Variants in C15orf40 observed in about 807,000 individuals in gnomAD.
C15orf40 encodes the protein chromosome 15 open reading frame 40, also known as UPF0235 protein C15orf40.
A neutral mutation model predicts 13.9 loss-of-function variants in C15orf40; 9 were observed. The ratio of observed to expected loss-of-function variants is 0.65; its 90% confidence interval spans 0.39 to 1.13. The LOEUF (loss-of-function observed/expected upper bound fraction) is 1.13, where lower values mean the gene tolerates loss of function less well. C15orf40 is among the 50% of genes most tolerant of loss of function. The pLI, the probability that C15orf40 is intolerant of heterozygous loss-of-function variation, is 0.01. For missense variants in C15orf40, 225 were observed against 188.5 expected, an observed-to-expected ratio of 1.19 and a Z score of -1.13; for synonymous variants, 95 against 69.2, an observed-to-expected ratio of 1.37 and a Z score of -1.85.
chr15:82,989,871 A>C, downstream of C15orf40: 1 of 1,608,748 alleles, frequency 6.2e-7, no homozygotes, highest in Non-Finnish European at 8.5e-7. Flanking sequence ...TTTTTGTTTT[A>C]TTGTTGTAGG....
At chr15:83,009,710 C>G (rs1246867397) in intron 2 of C15orf40, among the ~76,000 whole-genome samples, 1 of 152,200 alleles carries the variant, frequency 6.6e-6, no homozygotes. Flanking sequence ...GCACCTCCAG[C>G]ACTCCAGAGA....
Position 83,005,119 on chromosome 15 carries a change from C to G in C15orf40, c.*478G>C. On this transcript the variant is annotated 3_prime_UTR_variant, in exon 4 of 4. Transcript: ENST00000304177. ...CTGTTTGGGGTTTGGGATTTTAGAA[C>G]CTGATGCAATGTATAGCACTTTTTA... 3 of 1,128,080 alleles carry G rather than the reference C, an allele frequency of 2.7e-6. No individual in the cohort carries two copies. Among genetic ancestry groups the G allele is most frequent in the Non-Finnish European group, 3.3e-6 (3 of 901,454 alleles). The allele number at this position is 1,128,080 out of a possible 1,614,324, so 69.9% of individuals were successfully genotyped here.
intron 1 of C15orf40, 156 bp downstream of exon 1, chr15:83,011,341 G>T: frequency 2.5e-6 from 2 of 800,172 alleles, no homozygotes; most frequent in Non-Finnish European, 3.6e-6. Context: ...GCAGGCCGCA[G>T]CTCTGGGGGT....
In C15orf40 at chr15:83,005,698, C is replaced by A; in HGVS notation, c.367-6G>T. 1 of 1,610,536 alleles carries A rather than the reference C, an allele frequency of 6.2e-7. No individual in the cohort carries two copies. The highest frequency in any genetic ancestry group is 8.5e-7 in the Non-Finnish European group (1 of 1,178,614). Reference sequence around the variant, plus strand: ...TTTTCACGAGATTTACCACCCTGGACCAAAAGAGAAAAAGCATACTTTACT... The same window carrying A: ...TTTTCACGAGATTTACCACCCTGGAACAAAAGAGAAAAAGCATACTTTACT... On this transcript the variant is annotated splice_region_variant and splice_polypyrimidine_tract_variant and intron_variant, in intron 3 of 3. Coordinates refer to ENST00000304177, the MANE Select transcript of C15orf40 (RefSeq NM_144597.3).
At chr15:82,990,885 T>C, downstream of C15orf40, 1 of 460,834 alleles carries the variant, frequency 2.2e-6, no homozygotes, top group Non-Finnish European at 3.9e-6. Context: ...GGGCTGATTT[T>C]ACAATGTTAT....
rs2031578187 is a variant in C15orf40 at position 83,004,673 on chromosome 15, C to G, written c.*924G>C. The G allele has an allele frequency of 1.1e-6, 1 of 908,354 alleles. No individual in the cohort carries two copies. The highest frequency in any genetic ancestry group is 1.8e-5 in the African/African-American group (1 of 55,444). 56.3% of individuals were successfully genotyped at this position (908,354 alleles called of 1,614,324 possible). On this transcript the variant is annotated 3_prime_UTR_variant, in exon 4 of 4. Transcript: ENST00000304177. ...TTATAATTCACATTTAATTACAAGT[C>G]ATGATTTTTCTTTACTTTTTCAACA...
At chr15:82,994,660 A>C (rs2030980231), downstream of C15orf40, among the ~76,000 whole-genome samples, 1 of 152,182 alleles carries the variant, frequency 6.6e-6, no homozygotes, top group Admixed American at 6.5e-5. Context: ...GACAAATTAG[A>C]TATTATATGT....
At chr15:82,993,370 G>C (rs532971661), downstream of C15orf40, among the ~76,000 whole-genome samples, 1 of 152,308 alleles carries the variant, frequency 6.6e-6, no homozygotes, top group African/African-American at 2.4e-5. Flanking sequence ...CAGAAGATGA[G>C]GTAGGGCAGA....
chr15:83,010,424 A>G, intron 1 of C15orf40, 61 bp from the exon 2 acceptor site: 2 of 1,590,034 alleles, frequency 1.3e-6, no homozygotes, highest in Non-Finnish European at 1.7e-6. Flanking sequence ...ATTTAATTTG[A>G]TTCTTCCACT....
intron 1 of C15orf40, 150 bp downstream of exon 1, chr15:83,011,347 G>C (rs890399669): frequency 8.5e-6 from 7 of 826,650 alleles, no homozygotes; most frequent in Admixed American, 3.7e-5. Flanking sequence ...CGCAGCTCTG[G>C]GGGTGGCGGC....
chr15:83,001,018 G>T lies in C15orf40; in HGVS notation c.*4579C>A. The T allele has an allele frequency of 1.6e-6, 1 of 606,622 alleles. No individual in the cohort carries two copies. Among genetic ancestry groups the T allele is most frequent in the Non-Finnish European group, 2.1e-6 (1 of 484,244 alleles). The allele number at this position is 606,622 out of a possible 1,614,324, so 37.6% of individuals were successfully genotyped here. A position where few individuals can be genotyped will look rare whatever the true frequency, so the allele number is the denominator to read the frequency against. On this transcript the variant is annotated 3_prime_UTR_variant, in exon 4 of 4. Transcript: ENST00000304177. ...AGTAGAAACAGGGTTTCGCCATATT[G>T]GTCAGGCTGGTCTTAAACTCCTGAC... is the stretch of plus-strand genomic sequence containing the variant.
Position 83,011,506 on chromosome 15 carries a change from C to A in C15orf40, c.102G>T (p.Ala34=). The A allele has an allele frequency of 6.2e-7, 1 of 1,605,516 alleles. No homozygotes were observed. The highest frequency in any genetic ancestry group is 8.5e-7 in the Non-Finnish European group (1 of 1,177,600). The change falls in exon 1 of 4, where the codon GCG becomes GCT. Residue 34 remains alanine (A), a synonymous_variant. Transcript: ENST00000304177. ...GGGACCTGCTACTGGCCTTGGTCGTCGCACCAGCCTTCTTAGGCATCTCGG... is the reference window on the plus strand; with the variant it reads ...GGGACCTGCTACTGGCCTTGGTCGTAGCACCAGCCTTCTTAGGCATCTCGG... The part of the protein sequence containing the change: ...LCAEMPKKAG[A]TTKGKSQSKE...
chr15:82,989,090 G>T (rs755924435), downstream of C15orf40: 27 of 1,613,596 alleles, frequency 1.7e-5, no homozygotes, highest in Non-Finnish European at 2.0e-5. Context: ...AAAATGACAA[G>T]GAGTATCAGG....
At chr15:83,009,339 C>A (rs185488519) in intron 2 of C15orf40, among the ~76,000 whole-genome samples, 18 of 152,278 alleles carry the variant, frequency 1.2e-4, no homozygotes, top group African/African-American at 1.7e-4. Flanking sequence ...TGGCATCCAG[C>A]CTCCCATTTT....
At position 82,995,983 on chromosome 15, in the gene C15orf40, C is replaced by CATGGGCTG. The variant is rs373515553; in HGVS notation, c.*9606_*9613dup. 2.5e-4 allele frequency: 38 copies of CATGGGCTG among 152,412 alleles called. No individual in the cohort carries two copies. Among genetic ancestry groups the CATGGGCTG allele is most frequent in the African/African-American group, 9.1e-4 (38 of 41,584 alleles). The allele number at this position is 152,412 out of a possible 1,614,324, so 9.4% of individuals were successfully genotyped here. A position where few individuals can be genotyped will look rare whatever the true frequency, so the allele number is the denominator to read the frequency against. ...GTCGCATAATTTTCACCAGTGTCTT[C>CATGGGCTG]ATGGGCTGATGGGCTGATTTCAGTT... On this transcript the variant is annotated 3_prime_UTR_variant, in exon 4 of 4. Transcript: ENST00000304177.
At chr15:82,992,088 C>G (rs761831071), downstream of C15orf40, 1 of 409,492 alleles carries the variant, frequency 2.4e-6, no homozygotes, top group Non-Finnish European at 4.7e-6. Flanking sequence ...TGGTGGTGCA[C>G]GCCTGTAGTC....
downstream of C15orf40, chr15:82,989,256 G>C: frequency 6.5e-7 from 1 of 1,538,378 alleles, no homozygotes. Context: ...TGCTAGACTG[G>C]AAGGCCAGTG....
intron 3 of C15orf40, 117 bp downstream of exon 3, chr15:83,008,431 A>G (rs2031812346): frequency 9.6e-7 from 1 of 1,040,396 alleles, no homozygotes; most frequent in African/African-American, 1.6e-5. Context: ...AGGCAGGAGA[A>G]TAGCTTGAAC....
intron 3 of C15orf40, among the ~76,000 whole-genome samples, chr15:83,007,030 C>A (rs561559249): frequency 6.6e-6 from 1 of 152,224 alleles, no homozygotes; most frequent in South Asian, 2.1e-4. Context: ...TATAGTATAG[C>A]ACTGGAAAAC....
Sources: gnomAD v4.1 joint callset for allele counts (sites outside exome capture counted in the v4.1 genomes callset) on GRCh38, gnomAD v4.1.1 for gene constraint, MANE v1.5 for transcripts, NCBI Gene and HGNC (gene_info 2026-07-23, HGNC 2026-07-21) for gene names.